Variants in CNTNAP5 observed in about 807,000 individuals in gnomAD.
The protein encoded by CNTNAP5 is contactin associated protein family member 5.
A neutral mutation model predicts 150.2 loss-of-function variants in CNTNAP5; 72 were observed. The observed-to-expected ratio is 0.48, with a 90% confidence interval of 0.40 to 0.58. The LOEUF is 0.58. CNTNAP5 is among the 20% of genes least tolerant of loss of function. The pLI is 0.00. For missense variants in CNTNAP5, 1,636 were observed against 1,626.2 expected (o/e 1.01, Z -0.10); for synonymous variants, 672 against 619.8 (o/e 1.08, Z -1.25).
intron 11 of CNTNAP5, among the ~76,000 whole-genome samples, chr2:124,566,742 C>T (rs1395330783): frequency 6.6e-6 from 1 of 152,164 alleles, no homozygotes; most frequent in Non-Finnish European, 1.5e-5. Flanking sequence ...TAATTTCCCC[C>T]TCCCCCAGTT....
chr2:124,401,603 A>G (rs996808041), intron 3 of CNTNAP5, among the ~76,000 whole-genome samples: 48 of 152,322 alleles, frequency 3.2e-4, no homozygotes, highest in African/African-American at 1.0e-3. Flanking sequence ...GTTCTTCCAC[A>G]TGTACCTTAA....
chr2:124,184,156 G>A (rs1685274056), intron 1 of CNTNAP5, among the ~76,000 whole-genome samples: 1 of 152,078 alleles, frequency 6.6e-6, no homozygotes, highest in Admixed American at 6.6e-5. Context: ...TACACAAGAT[G>A]GGCAGAGGAA....
intron 13 of CNTNAP5, among the ~76,000 whole-genome samples, chr2:124,705,088 T>A: frequency 6.6e-6 from 1 of 152,124 alleles, no homozygotes; most frequent in Non-Finnish European, 1.5e-5. Context: ...ATGCAACATA[T>A]ATATAGTTAA....
intron 9 of CNTNAP5, 110 bp downstream of exon 9, chr2:124,524,562 A>C: frequency 1.0e-6 from 1 of 957,724 alleles, no homozygotes; most frequent in Non-Finnish European, 1.6e-6. Flanking sequence ...TTCTCCCAAC[A>C]CACAAACACA....
intron 1 of CNTNAP5, among the ~76,000 whole-genome samples, chr2:124,162,518 A>G (rs932448371): frequency 6.6e-6 from 1 of 152,142 alleles, no homozygotes; most frequent in Non-Finnish European, 1.5e-5. Context: ...CAAGTCATCC[A>G]CAGTATGCAG....
At chr2:124,642,895 G>A (rs1251320723) in intron 12 of CNTNAP5, among the ~76,000 whole-genome samples, 1 of 152,140 alleles carries the variant, frequency 6.6e-6, no homozygotes, top group Non-Finnish European at 1.5e-5. Flanking sequence ...AATGCAACTT[G>A]GGAAATACTT....
chr2:124,057,303 G>T (rs1294667443), intron 1 of CNTNAP5, among the ~76,000 whole-genome samples: 2 of 141,304 alleles, frequency 1.4e-5, no homozygotes, highest in Non-Finnish European at 1.5e-5. Flanking sequence ...TTTTTTTGAG[G>T]TGGAGTCTTA....
chr2:124,652,747 T>A (rs1197653490), intron 13 of CNTNAP5, among the ~76,000 whole-genome samples: 2 of 152,164 alleles, frequency 1.3e-5, no homozygotes, highest in Non-Finnish European at 2.9e-5. Flanking sequence ...GTCTCCATGG[T>A]GCCTTGAAAG....
intron 1 of CNTNAP5, among the ~76,000 whole-genome samples, chr2:124,159,683 A>G (rs1684628808): frequency 6.6e-6 from 1 of 152,194 alleles, no homozygotes; most frequent in African/African-American, 2.4e-5. Context: ...AAATTCTGTG[A>G]TTTCAGCATG....
chr2:124,251,390 G>A (rs1465559604), intron 3 of CNTNAP5, among the ~76,000 whole-genome samples: 1 of 150,986 alleles, frequency 6.6e-6, no homozygotes, highest in African/African-American at 2.4e-5. Context: ...TCCTTTTGTA[G>A]GAAGGGAGTA....
chr2:124,773,052 C>T, intron 17 of CNTNAP5, 35 bp downstream of exon 17: 1 of 1,546,598 alleles, frequency 6.5e-7, no homozygotes, highest in Non-Finnish European at 8.9e-7. Context: ...TTGTGCTAAA[C>T]CCTGCAAGAT....
intron 4 of CNTNAP5, among the ~76,000 whole-genome samples, chr2:124,418,990 C>T (rs112487735): frequency 0.15 from 22,824 of 148,072 alleles, 1,894 homozygotes; most frequent in Non-Finnish European, 0.19. Flanking sequence ...AAAAATTAGC[C>T]GGGCGCGGTG....
At chr2:124,511,705 G>T (rs1694594999) in intron 8 of CNTNAP5, among the ~76,000 whole-genome samples, 1 of 152,170 alleles carries the variant, frequency 6.6e-6, no homozygotes, top group East Asian at 1.9e-4. Flanking sequence ...TGGCATAAAT[G>T]GTCCTGAATG....
At chr2:124,908,151 T>G (rs1349756780) in intron 22 of CNTNAP5, among the ~76,000 whole-genome samples, 2 of 151,924 alleles carry the variant, frequency 1.3e-5, no homozygotes, top group Non-Finnish European at 2.9e-5. Flanking sequence ...GGAGGGCAGA[T>G]CACAAGGTGA....
intron 21 of CNTNAP5, among the ~76,000 whole-genome samples, chr2:124,898,962 A>T (rs1188972013): frequency 6.6e-6 from 1 of 151,364 alleles, no homozygotes; most frequent in African/African-American, 2.5e-5. Context: ...AATTCAAGGG[A>T]CCTATTGTGC....
At chr2:124,725,884 G>A (rs1356037615) in intron 13 of CNTNAP5, among the ~76,000 whole-genome samples, 1 of 151,816 alleles carries the variant, frequency 6.6e-6, no homozygotes, top group East Asian at 1.9e-4. Flanking sequence ...ATTGGAAATG[G>A]CAAGAATTAC....
intron 17 of CNTNAP5, among the ~76,000 whole-genome samples, chr2:124,788,746 C>A (rs992883827): frequency 3.3e-5 from 5 of 151,876 alleles, no homozygotes; most frequent in Non-Finnish European, 7.4e-5. Context: ...AATTCTCCTG[C>A]CTCAGCCTCC....
intron 3 of CNTNAP5, among the ~76,000 whole-genome samples, chr2:124,315,230 AG>A (rs1314991140): frequency 6.6e-6 from 1 of 152,162 alleles, no homozygotes; most frequent in Non-Finnish European, 1.5e-5. Context: ...CAAAGTGCTG[AG>A]GTTACAGGGC....
intron 1 of CNTNAP5, among the ~76,000 whole-genome samples, chr2:124,118,518 C>T (rs543796487): frequency 1.3e-5 from 2 of 152,298 alleles, no homozygotes; most frequent in Admixed American, 6.5e-5. Flanking sequence ...ACTGTGTACA[C>T]CATCATGACC....
Sources: allele counts gnomAD v4.1 joint callset (sites outside exome capture counted in the v4.1 genomes callset), GRCh38; gene constraint gnomAD v4.1.1; transcripts MANE v1.5; gene names NCBI Gene and HGNC (gene_info 2026-07-23, HGNC 2026-07-21).